Variants in LDHAL6A observed in about 807,000 individuals in gnomAD.
LDHAL6A encodes the protein L-lactate dehydrogenase A-like 6A.
Under a neutral mutation model 28.2 loss-of-function variants are expected in LDHAL6A, and 19 were observed. The ratio of observed to expected loss-of-function variants is 0.67; its 90% CI spans 0.47 to 0.99. The LOEUF is 0.99. Among genes scored for constraint, LDHAL6A ranks in the 50% least tolerant of loss-of-function variants. The pLI is 0.00. For missense variants in LDHAL6A, 372 were observed against 398.6 expected (o/e 0.93, Z 0.57); for synonymous variants, 144 against 134.4 (o/e 1.07, Z -0.49).
intron 2 of LDHAL6A, 38 bp downstream of exon 2, chr11:18,464,116 T>C (rs1368670299): frequency 5.4e-6 from 7 of 1,298,840 alleles, no homozygotes; most frequent in Non-Finnish European, 7.8e-6. Context: ...TATTCTAATA[T>C]ACATGAACAA....
At chr11:18,469,166 G>T (rs1268154050) in intron 3 of LDHAL6A, 4 of 623,190 alleles carry the variant, frequency 6.4e-6, no homozygotes, top group Admixed American at 3.0e-5. Flanking sequence ...AGTTGTGAAG[G>T]CACCTGGTGG....
chr11:18,475,780 C>T, intron 4 of LDHAL6A, 141 bp downstream of exon 4: 1 of 550,944 alleles, frequency 1.8e-6, no homozygotes, highest in East Asian at 3.2e-5. Context: ...ATTTTTACCA[C>T]ACTTATTTTT....
At chr11:18,473,665 T>C (rs141005532) in intron 3 of LDHAL6A, among the ~76,000 whole-genome samples, 98 of 152,216 alleles carry the variant, frequency 6.4e-4, no homozygotes, top group African/African-American at 2.2e-3. Context: ...CCTGTAAGAA[T>C]TGGGATTACA....
chr11:18,461,154 T>A (rs1247300304), intron 1 of LDHAL6A, among the ~76,000 whole-genome samples: 1 of 146,070 alleles, frequency 6.8e-6, no homozygotes, highest in Non-Finnish European at 1.5e-5. Context: ...ATTTACTTGT[T>A]TTTTTTTTGA....
rs1848764653 is a variant in LDHAL6A at position 18,456,701 on chromosome 11, A to T, written c.21A>T (p.Glu7Asp). The change falls in exon 1 of 7, where the codon GAA becomes GAT. Residue 7 changes from glutamate to aspartate, a missense_variant. Glu to Asp is a conservative substitution (Grantham distance 45). This residue lies in a region of LDHAL6A where 77 missense variants were observed against 77.9 expected (regional missense o/e 0.99). Transcript: ENST00000280706. MATIKS[E>D]LIKNFAEEEA... ...CCAAGATGGCAACTATCAAGAGTGA[A>T]CTTATTAAGAATTTCGCGGAAGAGG... 6.2e-7 allele frequency: 1 copy of T among 1,613,826 alleles called. No individual in the cohort carries two copies. Among genetic ancestry groups the T allele is most frequent in the African/African-American group, 1.3e-5 (1 of 74,926 alleles).
chr11:18,460,094 A>G (rs1324259169), intron 1 of LDHAL6A, among the ~76,000 whole-genome samples: 3 of 152,192 alleles, frequency 2.0e-5, no homozygotes, highest in Non-Finnish European at 4.4e-5. Context: ...CTAGTTTAAA[A>G]TGTAAAGCGC....
rs768186327 is a variant in LDHAL6A at position 18,465,780 on chromosome 11, C to G, written c.388C>G (p.His130Asp). ...MIPNITQYSP[H>D]CKLLIVTNPV... ...TCCCAATATTACCCAGTACAGTCCT[C>G]ACTGCAAACTGCTTATTGTTACTAA... Residue 130 changes from histidine to aspartate, a missense_variant, in exon 3 of 7, where the codon CAC (histidine) becomes GAC (aspartate). By Grantham distance (81) the His-to-Asp change is moderately conservative. This residue lies in a region of LDHAL6A where 291 missense variants were observed against 302.9 expected (regional missense o/e 0.96). Coordinates refer to ENST00000280706, the MANE Select transcript of LDHAL6A (RefSeq NM_144972.5). 6.2e-7 allele frequency: 1 copy of G among 1,612,316 alleles called. No individual in the cohort carries two copies. Among genetic ancestry groups the G allele is most frequent in the East Asian group, 2.2e-5 (1 of 44,866 alleles).
At chr11:18,461,702 A>AC (rs1282672235) in intron 1 of LDHAL6A, among the ~76,000 whole-genome samples, 1 of 150,932 alleles carries the variant, frequency 6.6e-6, no homozygotes, top group Non-Finnish European at 1.5e-5. Flanking sequence ...CACACAAAAA[A>AC]TTAGCCGGGC....
At chr11:18,456,902 T>A in intron 1 of LDHAL6A, 96 bp downstream of exon 1, 1 of 1,328,892 alleles carries the variant, frequency 7.5e-7, no homozygotes, top group Non-Finnish European at 1.0e-6. Flanking sequence ...AGGTGGTGAG[T>A]GGGGAGCCAG....
intron 3 of LDHAL6A, among the ~76,000 whole-genome samples, chr11:18,469,994 T>A (rs1256445551): frequency 6.6e-6 from 1 of 152,174 alleles, no homozygotes; most frequent in African/African-American, 2.4e-5. Context: ...AGTGATGCAA[T>A]ATCGGCTCAC....
At chr11:18,461,919 G>T (rs1848920850) in intron 1 of LDHAL6A, among the ~76,000 whole-genome samples, 1 of 150,414 alleles carries the variant, frequency 6.6e-6, no homozygotes, top group Admixed American at 6.6e-5. Flanking sequence ...GGTAGGCTGA[G>T]GCAGGCGGAT....
intron 6 of LDHAL6A, 60 bp downstream of exon 6, chr11:18,477,803 T>C: frequency 6.7e-7 from 1 of 1,495,824 alleles, no homozygotes; most frequent in Non-Finnish European, 9.0e-7. Context: ...GTAAAGAACA[T>C]TTTTGAGGCA....
chr11:18,476,215 A>C (rs1849376777), intron 4 of LDHAL6A, among the ~76,000 whole-genome samples, 169 bp from the exon 5 acceptor site: 1 of 152,212 alleles, frequency 6.6e-6, no homozygotes. Context: ...AGAATTGTGG[A>C]TCCCCATCTG....
Position 18,456,310 on chromosome 11 carries a change from C to A in LDHAL6A, c.-371C>A, listed in dbSNP as rs2721121. 189,376 of 196,882 alleles carry A rather than the reference C, an allele frequency of 0.96. 91,563 individuals are homozygous for A. The highest frequency in any genetic ancestry group is 1 in the East Asian group (5,574 of 5,574). The allele number at this position is 196,882 out of a possible 1,614,324, so 12.2% of individuals were successfully genotyped here. A position where few individuals can be genotyped will look rare whatever the true frequency, so the allele number is the denominator to read the frequency against. On this transcript the variant is annotated 5_prime_UTR_variant, in exon 1 of 7. Transcript: ENST00000280706. ...AGCTGAGAACTGGAGGTTGGGGGAA[C>A]AGCAGGGTAAAGGGGAGAGAAAAGG... is the stretch of plus-strand genomic sequence containing the variant.
chr11:18,467,988 TATGCATATATATACGTATATATATAC>T (rs1849145539), intron 3 of LDHAL6A, among the ~76,000 whole-genome samples: 1 of 45,504 alleles, frequency 2.2e-5, no homozygotes, highest in African/African-American at 1.2e-4. Flanking sequence ...TACGTATATA[TATGCATATATATACGTATATATATAC>T]ATATATATAC....
At chr11:18,478,116 T>C (rs1278601843) in intron 6 of LDHAL6A, among the ~76,000 whole-genome samples, 1 of 152,150 alleles carries the variant, frequency 6.6e-6, no homozygotes, top group Non-Finnish European at 1.5e-5. Flanking sequence ...AAAGCAGCAC[T>C]AGACACAAAA....
At chr11:18,465,463 A>C (rs1849044777) in intron 2 of LDHAL6A, among the ~76,000 whole-genome samples, 174 bp from the exon 3 acceptor site, 1 of 151,214 alleles carries the variant, frequency 6.6e-6, no homozygotes, top group Admixed American at 6.6e-5. Flanking sequence ...AAAAATGTAC[A>C]AGGGAAACTT....
intron 1 of LDHAL6A, among the ~76,000 whole-genome samples, chr11:18,462,353 A>T (rs1848934056): frequency 6.6e-6 from 1 of 151,752 alleles, no homozygotes; most frequent in East Asian, 1.9e-4. Flanking sequence ...ATACAAAAAA[A>T]TTGGCCGGGT....
Position 18,471,245 on chromosome 11 carries a change from T to A in LDHAL6A, c.419-4221T>A, listed in dbSNP as rs1209639255. On this transcript the variant is annotated intron_variant, in intron 3 of 6. Coordinates refer to ENST00000280706, the MANE Select transcript of LDHAL6A (RefSeq NM_144972.5). ...TTTTTTTTGAGAGAGGGTTTTGCTCTGTTGCTCAGGCTGGAGTGCAGTGGC... is the reference window on the plus strand; with the variant it reads ...TTTTTTTTGAGAGAGGGTTTTGCTCAGTTGCTCAGGCTGGAGTGCAGTGGC... Among the ~76,000 whole-genome samples the A allele has an allele frequency of 4.0e-5, 6 of 151,120 alleles. No homozygotes were observed. The East Asian group carries it at 1.2e-3, about 30-fold the overall frequency.
Sources: gnomAD v4.1 joint callset for allele counts (sites outside exome capture counted in the v4.1 genomes callset) on GRCh38, gnomAD v4.1.1 for gene constraint, gnomAD v4.1.1 regional missense constraint, MANE v1.5 for transcripts, NCBI Gene and HGNC (gene_info 2026-07-23, HGNC 2026-07-21) for gene names.